SLC39A12: variants seen among roughly 807,000 people sequenced by gnomAD.
The protein encoded by SLC39A12 is zinc transporter ZIP12.
SLC39A12 carries 63 observed loss-of-function variants against 71.1 expected under a neutral mutation model. The observed-to-expected ratio is 0.89, with a 90% confidence interval of 0.72 to 1.09. The LOEUF is 1.09. Ranked by LOEUF, SLC39A12 falls within the 50% of genes least tolerant of loss-of-function variation. The probability of loss-of-function intolerance (pLI) is 0.00; values close to 1 mark genes in which losing one functional copy is unlikely to be tolerated. For synonymous variants in SLC39A12, 351 were observed against 301.3 expected, an observed-to-expected ratio of 1.16 and a Z score of -1.71; for missense variants, 892 against 812.6, an observed-to-expected ratio of 1.10 and a Z score of -1.19.
At chr10:18,027,916 T>C (rs1836724195) in intron 12 of SLC39A12, among the ~76,000 whole-genome samples, 1 of 152,208 alleles carries the variant, frequency 6.6e-6, no homozygotes. Context: ...AGTTAGAGAC[T>C]CCCACAGAAT....
At chr10:18,006,927 A>G (rs1247508542) in intron 12 of SLC39A12, among the ~76,000 whole-genome samples, 2 of 152,206 alleles carry the variant, frequency 1.3e-5, no homozygotes, top group African/African-American at 4.8e-5. Context: ...GGGTCTCTGC[A>G]GCAGTGACTG....
intron 12 of SLC39A12, among the ~76,000 whole-genome samples, chr10:18,013,409 C>T (rs1026721394): frequency 2.0e-5 from 3 of 148,370 alleles, no homozygotes; most frequent in African/African-American, 5.0e-5. Flanking sequence ...GCTGTGTTGC[C>T]CAGGCTGCAG....
chr10:18,031,099 A>G (rs1228937697), intron 12 of SLC39A12, among the ~76,000 whole-genome samples: 1 of 147,422 alleles, frequency 6.8e-6, no homozygotes, highest in African/African-American at 2.5e-5. Flanking sequence ...ATAATGCCGC[A>G]ATAAACATAC....
intron 12 of SLC39A12, among the ~76,000 whole-genome samples, chr10:18,019,966 C>T (rs1208961872): frequency 6.6e-6 from 1 of 152,002 alleles, no homozygotes; most frequent in East Asian, 1.9e-4. Context: ...TGATTTTCTG[C>T]CTGCTAGATC....
chr10:18,039,770 C>A (rs1456227492), intron 12 of SLC39A12, among the ~76,000 whole-genome samples: 1 of 152,106 alleles, frequency 6.6e-6, no homozygotes, highest in Non-Finnish European at 1.5e-5. Flanking sequence ...ATGTATGTAC[C>A]TTGTTAATCC....
chr10:18,004,453 C>G (rs1835949743), intron 12 of SLC39A12: 1 of 152,118 alleles, frequency 6.6e-6, no homozygotes, highest in South Asian at 2.1e-4. Flanking sequence ...ATACAGGAGG[C>G]AGAAACCTGT....
intron 12 of SLC39A12, among the ~76,000 whole-genome samples, chr10:18,025,407 C>T (rs534541079): frequency 1.5e-4 from 23 of 152,114 alleles, no homozygotes; most frequent in African/African-American, 4.3e-4. Flanking sequence ...CAACAGGCCC[C>T]GGTGTGTGAT....
At chr10:17,952,486 T>C (rs1404375891) in intron 1 of SLC39A12, among the ~76,000 whole-genome samples, 1 of 135,904 alleles carries the variant, frequency 7.4e-6, no homozygotes, top group Non-Finnish European at 1.6e-5. Flanking sequence ...TCTTTTTTCT[T>C]TTTTCTTTTT....
intron 4 of SLC39A12, among the ~76,000 whole-genome samples, chr10:17,977,436 A>C (rs1461988543): frequency 6.6e-6 from 1 of 152,044 alleles, no homozygotes; most frequent in Non-Finnish European, 1.5e-5. Context: ...CTTTGTACAC[A>C]TTATTTTTTA....
At chr10:17,960,315 G>T (rs1834655458) in intron 2 of SLC39A12, among the ~76,000 whole-genome samples, 1 of 152,158 alleles carries the variant, frequency 6.6e-6, no homozygotes. Flanking sequence ...GGAAACTTAT[G>T]CCCTGCTTTT....
chr10:17,975,747 G>C (rs147230590), intron 4 of SLC39A12, among the ~76,000 whole-genome samples: 1,609 of 152,238 alleles, frequency 0.011, 33 homozygotes, highest in African/African-American at 0.035. Context: ...TCATGTAAAA[G>C]TCGCCGTCCT....
chr10:18,000,322 A>C (rs570020653), intron 10 of SLC39A12, among the ~76,000 whole-genome samples: 6 of 152,252 alleles, frequency 3.9e-5, no homozygotes, highest in Non-Finnish European at 8.8e-5. Flanking sequence ...TTTTAAATGC[A>C]TTGCAAAAGA....
chr10:17,981,551 G>C, intron 6 of SLC39A12, 68 bp downstream of exon 6: 2 of 1,284,136 alleles, frequency 1.6e-6, no homozygotes, highest in Non-Finnish European at 2.2e-6. Flanking sequence ...GTAAATGCAG[G>C]ATACTTACTA....
intron 2 of SLC39A12, among the ~76,000 whole-genome samples, chr10:17,954,797 C>T (rs1554847584): frequency 1.3e-5 from 2 of 151,936 alleles, no homozygotes; most frequent in Admixed American, 6.6e-5. Flanking sequence ...TACATTTTGG[C>T]AGACTTTCTC....
At chr10:17,992,046 G>A (rs574577716) in intron 8 of SLC39A12, among the ~76,000 whole-genome samples, 9 of 133,818 alleles carry the variant, frequency 6.7e-5, no homozygotes, top group East Asian at 2.2e-4. Flanking sequence ...CCGAGATCGC[G>A]CCACTACACT....
rs553680819 is a variant in SLC39A12, at chr10:18,041,535, T to C, written c.1948-1170T>C. 2.6e-3 allele frequency among the ~76,000 whole-genome samples: 312 copies of C among 120,690 alleles called. 8 individuals are homozygous for C. The East Asian group carries it at 0.033, about 13-fold the overall frequency. The allele number at this position is 120,690 out of a possible 152,430, so 79.2% of individuals were successfully genotyped here. On this transcript the variant is annotated intron_variant, in intron 12 of 12. Coordinates refer to ENST00000377369, the MANE Select transcript of SLC39A12 (RefSeq NM_001145195.2). ...TTATATATATATATATGTATATATA[T>C]ACACACACACACACACACACACGCA...
intron 12 of SLC39A12, among the ~76,000 whole-genome samples, chr10:18,036,458 C>G (rs184453768): frequency 2.7e-3 from 409 of 152,144 alleles, no homozygotes; most frequent in African/African-American, 9.4e-3. Context: ...AGGGAACTCC[C>G]TGACCCCTTG....
Position 18,018,021 on chromosome 10 carries a change from G to GA in SLC39A12, c.1947+14665dup, listed in dbSNP as rs75966050. On this transcript the variant is annotated intron_variant, in intron 12 of 12. Transcript: ENST00000377369. ...TACAGTCTTCCTACCCTTGAACATG[G>GA]AATACCTTTCCATTTATTTAGTCTT... 1.0e-3 allele frequency among the ~76,000 whole-genome samples: 155 copies of GA among 152,264 alleles called. 3 individuals are homozygous for GA. In the East Asian group the frequency reaches 0.025, roughly 24 times the overall value.
At chr10:17,963,108 C>A (rs1554848590) in intron 3 of SLC39A12, among the ~76,000 whole-genome samples, 1 of 151,916 alleles carries the variant, frequency 6.6e-6, no homozygotes, top group South Asian at 2.1e-4. Context: ...TTACAGTGAA[C>A]TATGACTGTG....
Sources: allele counts gnomAD v4.1 joint callset (sites outside exome capture counted in the v4.1 genomes callset), GRCh38; gene constraint gnomAD v4.1.1; transcripts MANE v1.5; gene names NCBI Gene and HGNC (gene_info 2026-07-23, HGNC 2026-07-21).